SNX29: variants seen among roughly 807,000 people sequenced by gnomAD.
The protein encoded by SNX29 is sorting nexin 29, also known as sorting nexin-29.
In SNX29, 78 loss-of-function variants were observed where a neutral mutation model predicts 102.1. The ratio of observed to expected loss-of-function variants is 0.76; its 90% CI spans 0.64 to 0.92. The LOEUF (loss-of-function observed/expected upper bound fraction) is 0.92. Among genes scored for constraint, SNX29 ranks in the 40% least tolerant of loss-of-function variants. The pLI is 0.00. For synonymous variants in SNX29, 580 were observed against 414.5 expected (o/e 1.40, Z -4.85); for missense variants, 1,280 against 1,061.7 (o/e 1.21, Z -2.86).
chr16:12,455,283 C>T (rs1260179451), intron 18 of SNX29, among the ~76,000 whole-genome samples: 3 of 152,208 alleles, frequency 2.0e-5, no homozygotes, highest in Non-Finnish European at 2.9e-5. Context: ...AAAGCCCCCA[C>T]ACCTCGTGGC....
intron 14 of SNX29, among the ~76,000 whole-genome samples, chr16:12,273,328 G>T (rs906547517): frequency 4.4e-5 from 4 of 91,664 alleles, no homozygotes; most frequent in Admixed American, 1.1e-4. Context: ...TTTAGTGGTG[G>T]TTTTTTGTTT....
intron 15 of SNX29, among the ~76,000 whole-genome samples, chr16:12,318,731 G>A (rs2080835841): frequency 6.6e-6 from 1 of 151,786 alleles, no homozygotes; most frequent in South Asian, 2.1e-4. Flanking sequence ...CGAGGTACAG[G>A]GAGAAGGCTT....
At chr16:12,016,142 G>A (rs2056841911) in intron 3 of SNX29, among the ~76,000 whole-genome samples, 1 of 152,144 alleles carries the variant, frequency 6.6e-6, no homozygotes, top group South Asian at 2.1e-4. Context: ...TGGGATTGCA[G>A]GTGGGAGCCA....
intron 18 of SNX29, among the ~76,000 whole-genome samples, chr16:12,444,844 T>TG (rs989675905): frequency 4.8e-5 from 7 of 145,024 alleles, no homozygotes; most frequent in African/African-American, 1.6e-4. Context: ...TTTTTTTTGT[T>TG]TTTTTTTTTT....
chr16:12,268,868 A>G (rs1421395219), intron 14 of SNX29, among the ~76,000 whole-genome samples: 1 of 152,092 alleles, frequency 6.6e-6, no homozygotes, highest in Admixed American at 6.6e-5. Context: ...AGAAAACCCT[A>G]TGTGTTCTCT....
chr16:12,378,083 T>C (rs1437274150), intron 16 of SNX29, among the ~76,000 whole-genome samples: 1 of 152,188 alleles, frequency 6.6e-6, no homozygotes, highest in Non-Finnish European at 1.5e-5. Flanking sequence ...TATTAGATAC[T>C]AAGAAAGTCC....
At chr16:12,256,559 C>T (rs2078579510) in intron 14 of SNX29, among the ~76,000 whole-genome samples, 1 of 152,166 alleles carries the variant, frequency 6.6e-6, no homozygotes, top group Non-Finnish European at 1.5e-5. Context: ...AACTCCTGAC[C>T]TCAAGTGATC....
intron 20 of SNX29, among the ~76,000 whole-genome samples, chr16:12,566,547 T>G (rs954482409): frequency 8.6e-5 from 13 of 152,046 alleles, no homozygotes; most frequent in African/African-American, 2.9e-4. Context: ...CAGGAGGGGG[T>G]TGTGAGGGCA....
chr16:12,029,306 G>A (rs1021215717), intron 4 of SNX29, among the ~76,000 whole-genome samples: 4 of 152,096 alleles, frequency 2.6e-5, no homozygotes, highest in Non-Finnish European at 5.9e-5. Flanking sequence ...TATTCATTGC[G>A]TGCAGTACTG....
intron 20 of SNX29, among the ~76,000 whole-genome samples, chr16:12,562,252 A>G (rs1243074349): frequency 6.6e-6 from 1 of 152,166 alleles, no homozygotes; most frequent in Non-Finnish European, 1.5e-5. Context: ...GAGGGCATTC[A>G]CTAAGCAGCA....
chr16:12,112,980 C>T (rs1283427478), intron 11 of SNX29, among the ~76,000 whole-genome samples: 2 of 151,990 alleles, frequency 1.3e-5, no homozygotes, highest in African/African-American at 2.4e-5. Flanking sequence ...CCTGGGACAG[C>T]GTGGTGGACT....
intron 13 of SNX29, among the ~76,000 whole-genome samples, chr16:12,170,943 G>A (rs2076136455): frequency 6.6e-6 from 1 of 151,988 alleles, no homozygotes. Context: ...ATTTACTGAC[G>A]ACCTGGAGCC....
intron 13 of SNX29, among the ~76,000 whole-genome samples, chr16:12,196,022 C>G (rs138224552): frequency 3.5e-4 from 46 of 133,006 alleles, no homozygotes; most frequent in African/African-American, 9.8e-4. Context: ...CAAGGTCTTA[C>G]TCTGTCACCC....
At chr16:12,435,298 C>T (rs184376386) in intron 18 of SNX29, among the ~76,000 whole-genome samples, 1 of 152,202 alleles carries the variant, frequency 6.6e-6, no homozygotes, top group South Asian at 2.1e-4. Flanking sequence ...TTTGCAGGGA[C>T]ACACTTCTGC....
chr16:12,536,567 G>C (rs909283873), intron 20 of SNX29, among the ~76,000 whole-genome samples: 4 of 152,126 alleles, frequency 2.6e-5, no homozygotes, highest in African/African-American at 7.2e-5. Context: ...ACCTCAGAAA[G>C]TTGCAGAGTT....
At chr16:12,367,327 A>G (rs896599890) in intron 16 of SNX29, 11 of 152,232 alleles carry the variant, frequency 7.2e-5, no homozygotes, top group African/African-American at 2.2e-4. Flanking sequence ...CACCTGGAGT[A>G]TCTCTGGCAA....
At chr16:12,167,280 G>T (rs1376522798) in intron 13 of SNX29, among the ~76,000 whole-genome samples, 3 of 152,176 alleles carry the variant, frequency 2.0e-5, no homozygotes, top group Non-Finnish European at 4.4e-5. Context: ...TCACCTGATG[G>T]TCCTTGTCTG....
chr16:12,566,066 T>C (rs972089771), intron 20 of SNX29, among the ~76,000 whole-genome samples: 9 of 152,204 alleles, frequency 5.9e-5, no homozygotes, highest in Non-Finnish European at 1.3e-4. Flanking sequence ...GCCCATTGTC[T>C]CTCTAGGCAC....
At chr16:12,116,766 C>T (rs865778089) in intron 11 of SNX29, among the ~76,000 whole-genome samples, 13 of 152,092 alleles carry the variant, frequency 8.5e-5, no homozygotes, top group Admixed American at 1.3e-4. Context: ...ACAGATGAAC[C>T]GTGGAAACAG....
Sources: allele counts gnomAD v4.1 joint callset (sites outside exome capture counted in the v4.1 genomes callset), GRCh38; gene constraint gnomAD v4.1.1; transcripts MANE v1.5; gene names NCBI Gene and HGNC (gene_info 2026-07-23, HGNC 2026-07-21).